The following ARNT2 variants were observed in gnomAD, a reference collection of about 807,000 sequenced individuals.
ARNT2 encodes ARNT protein 2.
A neutral mutation model predicts 91.7 loss-of-function variants in ARNT2; 36 were observed. The ratio of observed to expected loss-of-function variants is 0.39; its 90% CI spans 0.30 to 0.52. The LOEUF (loss-of-function observed/expected upper bound fraction) is 0.52, where lower values mean the gene tolerates loss of function less well. Among genes scored for constraint, ARNT2 ranks in the 20% least tolerant of loss-of-function variants. The pLI is 0.72. For missense variants in ARNT2, 775 were observed against 939.3 expected (o/e 0.83, Z 2.29); for synonymous variants, 365 against 347.1 (o/e 1.05, Z -0.57).
intron 11 of ARNT2, among the ~76,000 whole-genome samples, chr15:80,562,432 T>G (rs988505300): frequency 2.0e-5 from 3 of 152,224 alleles, no homozygotes; most frequent in Non-Finnish European, 4.4e-5. Context: ...AGTCTCAGTA[T>G]TATCAGCTGT....
chr15:80,590,553 C>A (rs1461953501), intron 17 of ARNT2, among the ~76,000 whole-genome samples: 1 of 152,120 alleles, frequency 6.6e-6, no homozygotes, highest in East Asian at 1.9e-4. Flanking sequence ...ACCTGGGCAA[C>A]AGAGCCAGAC....
chr15:80,484,818 G>C (rs941481127), intron 5 of ARNT2, among the ~76,000 whole-genome samples: 1 of 152,196 alleles, frequency 6.6e-6, no homozygotes, highest in Non-Finnish European at 1.5e-5. Context: ...GGGGATGGGG[G>C]GCGGTGCATA....
intron 14 of ARNT2, 106 bp from the exon 15 acceptor site, chr15:80,576,760 T>TC: frequency 8.5e-7 from 1 of 1,173,322 alleles, no homozygotes; most frequent in South Asian, 1.3e-5. Flanking sequence ...CTGACTTGTG[T>TC]CCTCCCGTTC....
chr15:80,531,413 T>C (rs1897738263), intron 8 of ARNT2, among the ~76,000 whole-genome samples: 1 of 152,244 alleles, frequency 6.6e-6, no homozygotes, highest in Non-Finnish European at 1.5e-5. Flanking sequence ...GGTAATTTAA[T>C]GTGGGGCACA....
At chr15:80,456,193 T>A (rs969327012) in intron 2 of ARNT2, among the ~76,000 whole-genome samples, 3 of 152,218 alleles carry the variant, frequency 2.0e-5, no homozygotes, top group African/African-American at 4.8e-5. Flanking sequence ...CTAAAGCTGC[T>A]GCCCGGTGCC....
Position 80,597,599 on chromosome 15 carries a change from A to G in ARNT2, c.*3901A>G, listed in dbSNP as rs1139650. 0.16 allele frequency: 30,996 copies of G among 189,944 alleles called. 4,239 individuals carry two copies. The highest frequency in any genetic ancestry group is 0.39 in the African/African-American group (16,750 of 42,484). 11.8% of individuals were successfully genotyped at this position (189,944 alleles called of 1,614,324 possible). A position where few individuals can be genotyped will look rare whatever the true frequency, so the allele number is the denominator to read the frequency against. On this transcript the variant is annotated 3_prime_UTR_variant, in exon 19 of 19. Coordinates refer to ENST00000303329, the MANE Select transcript of ARNT2 (RefSeq NM_014862.4). ...CAAAGCTAGTGTTATGGTCAACAAC[A>G]GGCCAGGGTCTGTGGGGCACTGACC...
intron 1 of ARNT2, among the ~76,000 whole-genome samples, chr15:80,438,298 C>A (rs1485804558): frequency 1.3e-5 from 2 of 152,070 alleles, no homozygotes; most frequent in African/African-American, 4.8e-5. Context: ...GAATGAACTA[C>A]GTTGGTTTTG....
At chr15:80,450,854 A>T in intron 1 of ARNT2, 26 bp from the exon 2 acceptor site, 1 of 1,612,320 alleles carries the variant, frequency 6.2e-7, no homozygotes, top group Non-Finnish European at 8.5e-7. Flanking sequence ...GCATTGACAA[A>T]ACCTCTTGTC....
rs143287715 is a variant in ARNT2 at position 80,436,663 on chromosome 15, G to A, written c.32-14217G>A. On this transcript the variant is annotated intron_variant, in intron 1 of 18. Transcript: ENST00000303329. ...ACCAGGAAGGATGGTAGCTGCTCTC[G>A]TTGTGTCTGGACAACAATCAGTACA... Among the ~76,000 whole-genome samples, 99 of 152,296 alleles carry A rather than the reference G, an allele frequency of 6.5e-4. No individual in the cohort carries two copies. In the South Asian group the frequency reaches 0.011, roughly 17 times the overall value.
chr15:80,574,966 T>A (rs1219902302), intron 13 of ARNT2, 21 bp from the exon 14 acceptor site: 25 of 1,612,482 alleles, frequency 1.6e-5, no homozygotes, highest in Non-Finnish European at 2.1e-5. Flanking sequence ...TGCTGTTGTG[T>A]TTTATTTAAT....
chr15:80,477,816 C>T (rs1851176529), intron 5 of ARNT2, among the ~76,000 whole-genome samples: 1 of 152,096 alleles, frequency 6.6e-6, no homozygotes, highest in South Asian at 2.1e-4. Context: ...CACAATTCCA[C>T]CTATAATAAC....
At chr15:80,585,277 A>C (rs1447096259) in intron 17 of ARNT2, among the ~76,000 whole-genome samples, 1 of 152,216 alleles carries the variant, frequency 6.6e-6, no homozygotes, top group Non-Finnish European at 1.5e-5. Context: ...CCATTACTTA[A>C]GCCCTGAAAA....
chr15:80,508,039 C>A, intron 5 of ARNT2, 117 bp from the exon 6 acceptor site: 2 of 898,712 alleles, frequency 2.2e-6, no homozygotes, highest in South Asian at 1.6e-5. Context: ...AAACAATTTG[C>A]ACAGCCACAC....
chr15:80,574,052 C>G (rs1898626516), intron 12 of ARNT2, 96 bp from the exon 13 acceptor site: 4 of 930,208 alleles, frequency 4.3e-6, no homozygotes, highest in Non-Finnish European at 7.1e-6. Context: ...TCGGATATCA[C>G]CCACTCTGCC....
intron 1 of ARNT2, chr15:80,445,218 T>C (rs1896277987): frequency 6.8e-6 from 1 of 147,774 alleles, no homozygotes; most frequent in African/African-American, 2.5e-5. Flanking sequence ...GTATGTGTGT[T>C]GAGAGTGGTG....
intron 3 of ARNT2, among the ~76,000 whole-genome samples, chr15:80,467,137 T>C (rs1822756763): frequency 6.8e-6 from 1 of 147,228 alleles, no homozygotes; most frequent in Non-Finnish European, 1.5e-5. Flanking sequence ...GCGAAGGCTC[T>C]GGTTTGTATT....
chr15:80,552,989 C>T (rs1468826442), intron 10 of ARNT2, among the ~76,000 whole-genome samples: 3 of 152,110 alleles, frequency 2.0e-5, no homozygotes, highest in Non-Finnish European at 2.9e-5. Flanking sequence ...TCTTCTTTGC[C>T]CTCACTGTTA....
chr15:80,416,621 G>GT (rs752814917), intron 1 of ARNT2, among the ~76,000 whole-genome samples: 80 of 140,698 alleles, frequency 5.7e-4, no homozygotes, highest in African/African-American at 1.9e-3. Flanking sequence ...TAATTTCTCA[G>GT]TTTTTTTTGT....
At position 80,593,646 on chromosome 15, in the gene ARNT2, A is replaced by G; in HGVS notation, c.2102A>G (p.Tyr701Cys). The G allele has an allele frequency of 6.2e-7, 1 of 1,607,588 alleles. No individual in the cohort carries two copies. Among genetic ancestry groups the G allele is most frequent in the Non-Finnish European group, 8.5e-7 (1 of 1,176,276 alleles). ...PGDPTQGTGN[Y>C]NIEDFADLGM... ...GATCCAACCCAGGGGACTGGCAACTATAACATCGAAGACTTTGCCGACCTG... is the reference window on the plus strand; with the variant it reads ...GATCCAACCCAGGGGACTGGCAACTGTAACATCGAAGACTTTGCCGACCTG... Residue 701 changes from tyrosine to cysteine, a missense_variant, in exon 19 of 19, where the codon TAT becomes TGT. By Grantham distance (194) the Tyr-to-Cys change is radical (BLOSUM62 -2). Coordinates refer to ENST00000303329, the MANE Select transcript of ARNT2 (RefSeq NM_014862.4).
Sources: gnomAD v4.1 joint callset for allele counts (sites outside exome capture counted in the v4.1 genomes callset) on GRCh38, gnomAD v4.1.1 for gene constraint, MANE v1.5 for transcripts, NCBI Gene and HGNC (gene_info 2026-07-23, HGNC 2026-07-21) for gene names.